IFIT1: variants seen among roughly 807,000 people sequenced by gnomAD.
IFIT1 encodes the protein antiviral innate immune response effector IFIT1.
In IFIT1, 1 loss-of-function variant was observed where a neutral mutation model predicts 2.5. That is an observed-to-expected ratio of 0.40 (90% CI 0.14 to 1.92). IFIT1 has a LOEUF of 1.92. Among genes scored for constraint, IFIT1 ranks in the 40% most tolerant of loss-of-function variants. The pLI, the probability that IFIT1 is intolerant of heterozygous loss-of-function variation, is 0.31. For synonymous variants in IFIT1, 191 were observed against 201.7 expected (o/e 0.95, Z 0.45); for missense variants, 508 against 557.8 (o/e 0.91, Z 0.90).
rs752038714 is a variant in IFIT1, at chr10:89,402,422, A to G, written c.147A>G (p.Lys49=). Residue 49 remains lysine, a synonymous_variant, in exon 2 of 2, where the codon AAA becomes AAG. Transcript: ENST00000371804. ...ATCAGATTGAATTCCTAGACACCAAATACAGTGTGGGAATACACAACCTAC... is the reference window on the plus strand; with the variant it reads ...ATCAGATTGAATTCCTAGACACCAAGTACAGTGTGGGAATACACAACCTAC... ...VLDQIEFLDT[K]YSVGIHNLLA... The G allele has an allele frequency of 1.3e-5, 21 of 1,614,092 alleles. No homozygotes were observed. The highest frequency in any genetic ancestry group is 1.6e-5 in the Non-Finnish European group (19 of 1,180,048).
At position 89,403,416 on chromosome 10, in the gene IFIT1, C is replaced by T. The variant is rs373831328; in HGVS notation, c.1141C>T (p.His381Tyr). 1.9e-6 allele frequency: 3 copies of T among 1,613,908 alleles called. No individual in the cohort carries two copies. The highest frequency in any genetic ancestry group is 2.7e-5 in the African/African-American group (2 of 75,024). The change falls in exon 2 of 2, where the codon CAT becomes TAT. Residue 381 changes from histidine (H) to tyrosine (Y), a missense_variant. Physicochemically the swap from His to Tyr is moderately conservative, Grantham distance 83. Transcript: ENST00000371804. The stretch of plus-strand genomic sequence containing the variant: ...GGTAGAAGAAACAATGCAAGACATA[C>T]ATTTCCACTATGGTCGGTTTCAGGA... ...PVVEETMQDI[H>Y]FHYGRFQEFQ...
intron 1 of IFIT1, among the ~76,000 whole-genome samples, chr10:89,397,047 C>T (rs1344930678): frequency 6.6e-6 from 1 of 152,112 alleles, no homozygotes; most frequent in Non-Finnish European, 1.5e-5. Context: ...GTTTTGGACA[C>T]TTCTTTACAA....
At chr10:89,399,334 C>G (rs1168089338) in intron 1 of IFIT1, among the ~76,000 whole-genome samples, 3 of 152,138 alleles carry the variant, frequency 2.0e-5, no homozygotes, top group African/African-American at 7.2e-5. Flanking sequence ...TCTTATCACT[C>G]TGTTGATAGT....
Position 89,406,093 on chromosome 10 carries a change from T to C in IFIT1, c.*2381T>C, listed in dbSNP as rs1328006857. Reference sequence around the variant, plus strand: ...TATATTTTCGTTGGAAATACATTTTTTGCTTCAACTTTTATTTTAAATTCA... The same window carrying C: ...TATATTTTCGTTGGAAATACATTTTCTGCTTCAACTTTTATTTTAAATTCA... On this transcript the variant is annotated 3_prime_UTR_variant, in exon 2 of 2. Transcript: ENST00000371804. The C allele has an allele frequency of 6.6e-6, 1 of 152,226 alleles. No individual in the cohort carries two copies. Among genetic ancestry groups the C allele is most frequent in the African/African-American group, 2.4e-5 (1 of 41,456 alleles). 9.4% of individuals were successfully genotyped at this position (152,226 alleles called of 1,614,324 possible).
In IFIT1 at chr10:89,403,015, T is replaced by TAG; in HGVS notation, c.740_741insAG (p.Met247IlefsTer29). On this transcript the variant is annotated frameshift_variant, in exon 2 of 2. Transcript: ENST00000371804. LOFTEE classifies it low-confidence loss of function (END_TRUNC). ...TACATTGAAGAAGCTCTAGCCAACATGTCCTCACAGACCTATGTCTTTCGA... is the reference window on the plus strand; with the variant it reads ...TACATTGAAGAAGCTCTAGCCAACATAGGTCCTCACAGACCTATGTCTTTCGA... 1 of 1,614,224 alleles carries TAG rather than the reference T, an allele frequency of 6.2e-7. No homozygotes were observed. Among genetic ancestry groups the TAG allele is most frequent in the Non-Finnish European group, 8.5e-7 (1 of 1,180,042 alleles).
intron 1 of IFIT1, among the ~76,000 whole-genome samples, chr10:89,395,750 C>T (rs1274510629): frequency 6.6e-6 from 1 of 152,134 alleles, no homozygotes; most frequent in Non-Finnish European, 1.5e-5. Context: ...ACCAAATACC[C>T]TGAAGCTCTT....
rs1844448852 is a variant in IFIT1, at chr10:89,402,643, A to T, written c.368A>T (p.Asn123Ile). Reference protein sequence around the residue: ...EAQTYLDKVENICKKLSNPFR... With the variant: ...EAQTYLDKVEIICKKLSNPFR... ...CAGACTTACCTGGACAAGGTGGAGA[A>T]CATTTGCAAGAAGCTTTCAAATCCC... Residue 123 changes from asparagine (N) to isoleucine (I), a missense_variant, in exon 2 of 2, where the codon AAC becomes ATC. Asn to Ile is a moderately radical substitution (Grantham distance 149). Transcript: ENST00000371804. 1 of 1,614,254 alleles carries T rather than the reference A, an allele frequency of 6.2e-7. No individual in the cohort carries two copies. The highest frequency in any genetic ancestry group is 8.5e-7 in the Non-Finnish European group (1 of 1,180,042).
chr10:89,401,235 G>A (rs1313344523), intron 1 of IFIT1, among the ~76,000 whole-genome samples: 1 of 151,502 alleles, frequency 6.6e-6, no homozygotes, highest in Admixed American at 6.6e-5. Context: ...TCCTGCCTCA[G>A]CCTCCGAAGT....
chr10:89,402,201 A>G, intron 1 of IFIT1, 80 bp from the exon 2 acceptor site: 2 of 881,046 alleles, frequency 2.3e-6, no homozygotes, highest in Non-Finnish European at 3.6e-6. Flanking sequence ...GATAAGCACT[A>G]AAATACAAGG....
In IFIT1 at chr10:89,402,845, C is replaced by T; in HGVS notation, c.570C>T (p.Gly190=). ...GYAISAYRLD[G]FKLATKNHKP... is the part of the protein sequence containing the mutation. ...CGATCTCTGCCTATCGCCTGGATGGCTTTAAATTAGCCACAAAAAATCACA... is the reference window on the plus strand; with the variant it reads ...CGATCTCTGCCTATCGCCTGGATGGTTTTAAATTAGCCACAAAAAATCACA... The change falls in exon 2 of 2, where the codon GGC becomes GGT. Residue 190 remains glycine, a synonymous_variant. Coordinates refer to ENST00000371804, the MANE Select transcript of IFIT1 (RefSeq NM_001548.5). 6.2e-7 allele frequency: 1 copy of T among 1,614,144 alleles called. No individual in the cohort carries two copies. Among genetic ancestry groups the T allele is most frequent in the Non-Finnish European group, 8.5e-7 (1 of 1,180,026 alleles).
intron 1 of IFIT1, among the ~76,000 whole-genome samples, chr10:89,401,709 TGGGTGAA>T (rs1003928590): frequency 6.6e-6 from 1 of 151,720 alleles, no homozygotes; most frequent in African/African-American, 2.4e-5. Context: ...TTGGAGAAAG[TGGGTGAA>T]GGATACACTG....
Position 89,396,616 on chromosome 10 carries a change from T to C in IFIT1, c.5+3899T>C, listed in dbSNP as rs117890701. On this transcript the variant is annotated intron_variant, in intron 1 of 1. Coordinates refer to ENST00000371804, the MANE Select transcript of IFIT1 (RefSeq NM_001548.5). ...ATTCACGAGAGACCTACCTCTATGATCCAAACACATCCCACTAGACCCTAC... is the reference window on the plus strand; with the variant it reads ...ATTCACGAGAGACCTACCTCTATGACCCAAACACATCCCACTAGACCCTAC... Among the ~76,000 whole-genome samples the C allele has an allele frequency of 9.5e-3, 1,446 of 152,298 alleles. 12 individuals carry two copies. Among genetic ancestry groups the C allele is most frequent in the Middle Eastern group, 0.017 (5 of 294 alleles).
In IFIT1 at chr10:89,403,233, A is replaced by G; in HGVS notation, c.958A>G (p.Lys320Glu). 2 of 1,614,250 alleles carry G rather than the reference A, an allele frequency of 1.2e-6. No homozygotes were observed. The highest frequency in any genetic ancestry group is 8.5e-7 in the Non-Finnish European group (1 of 1,180,044). ...PRGQNREKLD[K>E]MIRSAIFHFE... ...AGGGCAGAACAGAGAAAAGCTAGAC[A>G]AAATGATAAGATCAGCCATATTTCA... Residue 320 changes from lysine (K) to glutamate (E), a missense_variant, in exon 2 of 2, where the codon AAA becomes GAA. Lys to Glu is a moderately conservative substitution (Grantham distance 56). Coordinates refer to ENST00000371804, the MANE Select transcript of IFIT1 (RefSeq NM_001548.5).
rs2133612037 is a variant in IFIT1, at chr10:89,392,680, C to G, written c.-33C>G. 6.2e-7 allele frequency: 1 copy of G among 1,613,712 alleles called. No homozygotes were observed. Among genetic ancestry groups the G allele is most frequent in the South Asian group, 1.1e-5 (1 of 91,060 alleles). On this transcript the variant is annotated 5_prime_UTR_variant, in exon 1 of 2. Coordinates refer to ENST00000371804, the MANE Select transcript of IFIT1 (RefSeq NM_001548.5). ...CTCAGAGGAGCCTGGCTAAGCAAAACCCTGCAGAACGGCTGCCTAATTTAC... is the reference window on the plus strand; with the variant it reads ...CTCAGAGGAGCCTGGCTAAGCAAAAGCCTGCAGAACGGCTGCCTAATTTAC...
At chr10:89,401,648 T>C (rs2133627880) in intron 1 of IFIT1, among the ~76,000 whole-genome samples, 1 of 152,304 alleles carries the variant, frequency 6.6e-6, no homozygotes, top group Middle Eastern at 3.4e-3. Flanking sequence ...TGTACCAATG[T>C]CAATTTTCTA....
chr10:89,398,253 A>G lies in IFIT1; in HGVS notation c.6-4028A>G, dbSNP rs184064337. 4.6e-5 allele frequency among the ~76,000 whole-genome samples: 7 copies of G among 152,302 alleles called. No individual in the cohort carries two copies. In the East Asian group the frequency reaches 1.4e-3, roughly 29 times the overall value. ...AGTAGGTACAAGGGAGTGTGGGGGA[A>G]TGTATCTTAAACAGGCTTGTTTATT... is the stretch of plus-strand genomic sequence containing the variant. On this transcript the variant is annotated intron_variant, in intron 1 of 1. Coordinates refer to ENST00000371804, the MANE Select transcript of IFIT1 (RefSeq NM_001548.5).
Position 89,403,068 on chromosome 10 carries a change from G to A in IFIT1, c.793G>A (p.Gly265Ser), listed in dbSNP as rs778912402. 1 of 1,614,198 alleles carries A rather than the reference G, an allele frequency of 6.2e-7. No homozygotes were observed. Among genetic ancestry groups the A allele is most frequent in the Admixed American group, 1.7e-5 (1 of 60,028 alleles). Reference sequence around the variant, plus strand: ...TGCAGCCAAGTTTTACCGAAGAAAAGGCTCTGTGGATAAAGCTCTTGAGTT... The same window carrying A: ...TGCAGCCAAGTTTTACCGAAGAAAAAGCTCTGTGGATAAAGCTCTTGAGTT... ...RYAAKFYRRK[G>S]SVDKALELLK... The change falls in exon 2 of 2, where the codon GGC (glycine) becomes AGC (serine). Residue 265 changes from glycine to serine, a missense_variant. Physicochemically the swap from Gly to Ser is moderately conservative, Grantham distance 56. Transcript: ENST00000371804.
intron 1 of IFIT1, among the ~76,000 whole-genome samples, chr10:89,395,333 A>G (rs947029026): frequency 3.3e-5 from 5 of 152,114 alleles, no homozygotes; most frequent in Non-Finnish European, 7.4e-5. Flanking sequence ...CTGGCCTCCC[A>G]TAAAGGCTTG....
In IFIT1 at chr10:89,403,377, T is replaced by G; in HGVS notation, c.1102T>G (p.Cys368Gly). ...KAEENFQKLLCMKPVVEETMQ... is the reference protein window; with the variant it reads ...KAEENFQKLLGMKPVVEETMQ... ...TGAAGAGAATTTTCAAAAATTGTTA[T>G]GCATGAAACCAGTGGTAGAAGAAAC... The change falls in exon 2 of 2, where the codon TGC becomes GGC. Residue 368 changes from cysteine to glycine, a missense_variant. Transcript: ENST00000371804. The G allele has an allele frequency of 1.2e-6, 2 of 1,613,548 alleles. No homozygotes were observed. The highest frequency in any genetic ancestry group is 1.7e-6 in the Non-Finnish European group (2 of 1,179,772).
Sources: gnomAD v4.1 joint callset for allele counts (sites outside exome capture counted in the v4.1 genomes callset) on GRCh38, gnomAD v4.1.1 for gene constraint, MANE v1.5 for transcripts, NCBI Gene and HGNC (gene_info 2026-07-23, HGNC 2026-07-21) for gene names.